TTC28: variants seen among roughly 807,000 people sequenced by gnomAD.
TTC28 encodes the protein tetratricopeptide repeat domain 28, also known as tetratricopeptide repeat protein 28.
TTC28 carries 61 observed loss-of-function variants against 198.0 expected under a neutral mutation model. That is an observed-to-expected ratio of 0.31 (90% CI 0.25 to 0.38). The LOEUF (loss-of-function observed/expected upper bound fraction) is 0.38. Ranked by LOEUF, TTC28 falls within the 10% of genes least tolerant of loss-of-function variation. The pLI, the probability that TTC28 is intolerant of heterozygous loss-of-function variation, is 1.00. For synonymous variants in TTC28, 1,171 were observed against 1,297.8 expected, an observed-to-expected ratio of 0.90 and a Z score of 2.10; for missense variants, 2,678 against 3,164.0, an observed-to-expected ratio of 0.85 and a Z score of 3.69.
chr22:28,595,406 G>A (rs2050522898), intron 2 of TTC28, among the ~76,000 whole-genome samples: 1 of 152,116 alleles, frequency 6.6e-6, no homozygotes, highest in African/African-American at 2.4e-5. Context: ...AATACCCCTT[G>A]ACCTACTTCT....
chr22:28,647,099 C>T (rs1327027437), intron 1 of TTC28, among the ~76,000 whole-genome samples: 2 of 152,112 alleles, frequency 1.3e-5, no homozygotes, highest in Non-Finnish European at 2.9e-5. Context: ...ACCAACTGAT[C>T]TTTGATAAAG....
intron 18 of TTC28, chr22:27,992,899 C>T: frequency 1.7e-6 from 1 of 574,588 alleles, no homozygotes; most frequent in Non-Finnish European, 3.1e-6. Flanking sequence ...GGCGTGGCCA[C>T]ACTCCCAGGA....
At chr22:28,158,364 A>G (rs1030029041) in intron 6 of TTC28, among the ~76,000 whole-genome samples, 3 of 152,144 alleles carry the variant, frequency 2.0e-5, no homozygotes, top group African/African-American at 7.2e-5. Context: ...AATGCAATCC[A>G]TATCAAAACA....
intron 5 of TTC28, among the ~76,000 whole-genome samples, chr22:28,177,540 G>A (rs544339690): frequency 3.3e-5 from 5 of 152,260 alleles, no homozygotes; most frequent in Non-Finnish European, 7.4e-5. Context: ...ATGTCCACAC[G>A]AAAACCTGTG....
intron 5 of TTC28, among the ~76,000 whole-genome samples, chr22:28,263,373 CATATT>C (rs1931457783): frequency 6.6e-6 from 1 of 152,080 alleles, no homozygotes; most frequent in Admixed American, 6.6e-5. Context: ...TTCTGATTCA[CATATT>C]ATAATACATT....
intron 2 of TTC28, among the ~76,000 whole-genome samples, chr22:28,436,855 A>G (rs117464466): frequency 6.6e-6 from 1 of 152,336 alleles, no homozygotes; most frequent in East Asian, 1.9e-4. Context: ...CCATCATGCT[A>G]CAACCTATAC....
At chr22:28,500,191 TCCTAC>T (rs2048516275) in intron 2 of TTC28, among the ~76,000 whole-genome samples, 2 of 152,140 alleles carry the variant, frequency 1.3e-5, no homozygotes. Flanking sequence ...CACCACTTCC[TCCTAC>T]CCCAAGCTCC....
Position 28,163,146 on chromosome 22 carries a change from T to A in TTC28, c.1387A>T (p.Ile463Phe). Residue 463 changes from isoleucine (I) to phenylalanine (F), a missense_variant, in exon 6 of 23, where the codon ATT (isoleucine) becomes TTT (phenylalanine). Ile to Phe is a conservative substitution (Grantham distance 21, BLOSUM62 0). Transcript: ENST00000397906. Reference protein sequence around the residue: ...AKQYHEQQLGIAEDLKDRAAE... With the variant: ...AKQYHEQQLGFAEDLKDRAAE... ...GCCCGGTCCTTGAGATCCTCAGCAA[T>A]GCCCAGCTGCTGCTCATGGTATTGT... 1.9e-6 allele frequency: 3 copies of A among 1,551,744 alleles called. No homozygotes were observed. Among genetic ancestry groups the A allele is most frequent in the Non-Finnish European group, 2.6e-6 (3 of 1,147,002 alleles).
intron 2 of TTC28, among the ~76,000 whole-genome samples, chr22:28,457,234 T>G (rs1217105157): frequency 6.6e-6 from 1 of 152,212 alleles, no homozygotes; most frequent in Non-Finnish European, 1.5e-5. Context: ...AATCTTTTTC[T>G]TAATAACAGT....
At chr22:28,634,124 C>A (rs996413516) in intron 1 of TTC28, among the ~76,000 whole-genome samples, 2 of 152,076 alleles carry the variant, frequency 1.3e-5, no homozygotes, top group Non-Finnish European at 2.9e-5. Flanking sequence ...AAGAAAAATG[C>A]GCTGTAGTAA....
intron 5 of TTC28, among the ~76,000 whole-genome samples, chr22:28,214,473 A>T (rs950819569): frequency 6.6e-6 from 1 of 152,256 alleles, no homozygotes; most frequent in African/African-American, 2.4e-5. Flanking sequence ...TGGGTGAAGG[A>T]TATGAACAGA....
At chr22:28,569,222 C>T (rs1208969041) in intron 2 of TTC28, among the ~76,000 whole-genome samples, 1 of 150,506 alleles carries the variant, frequency 6.6e-6, no homozygotes, top group Non-Finnish European at 1.5e-5. Flanking sequence ...CAAAAAAGAG[C>T]CTGAATAGCC....
At chr22:28,421,010 T>TATG (rs1261219499) in intron 2 of TTC28, among the ~76,000 whole-genome samples, 1 of 152,026 alleles carries the variant, frequency 6.6e-6, no homozygotes, top group Non-Finnish European at 1.5e-5. Flanking sequence ...ATCCAAAAAG[T>TATG]ATCATAATTA....
chr22:28,492,245 AAAACTT>A (rs1044275517), intron 2 of TTC28, among the ~76,000 whole-genome samples: 7 of 152,220 alleles, frequency 4.6e-5, no homozygotes, highest in African/African-American at 1.7e-4. Flanking sequence ...CATGTACCCT[AAAACTT>A]AAAGTATAAT....
chr22:28,350,216 T>C (rs1483545769), intron 2 of TTC28, among the ~76,000 whole-genome samples: 1 of 152,302 alleles, frequency 6.6e-6, no homozygotes, highest in African/African-American at 2.4e-5. Flanking sequence ...ACATTCCAGA[T>C]AAAGTATATT....
chr22:28,579,311 G>A (rs2050198187), intron 2 of TTC28, among the ~76,000 whole-genome samples: 1 of 148,836 alleles, frequency 6.7e-6, no homozygotes, highest in Non-Finnish European at 1.5e-5. Context: ...ATATGTGCAT[G>A]TATGTATATA....
intron 12 of TTC28, among the ~76,000 whole-genome samples, chr22:28,031,130 C>A (rs1939057674): frequency 6.6e-6 from 1 of 152,148 alleles, no homozygotes; most frequent in African/African-American, 2.4e-5. Flanking sequence ...TGGCAAAAGG[C>A]TTATTAAATG....
intron 2 of TTC28, among the ~76,000 whole-genome samples, chr22:28,582,229 GAGA>G (rs1049050872): frequency 2.6e-5 from 4 of 152,084 alleles, no homozygotes; most frequent in Non-Finnish European, 4.4e-5. Context: ...GGGTGATAGG[GAGA>G]AGAAGATCCC....
At chr22:28,677,178 ATAT>A (rs1569095490) in intron 1 of TTC28, among the ~76,000 whole-genome samples, 1,140 of 58,924 alleles carry the variant, frequency 0.019, 15 homozygotes, top group African/African-American at 0.055. Context: ...AAAAAAAAAT[ATAT>A]ATATATATAT....
Sources: gnomAD v4.1 joint callset for allele counts (sites outside exome capture counted in the v4.1 genomes callset) on GRCh38, gnomAD v4.1.1 for gene constraint, MANE v1.5 for transcripts, NCBI Gene and HGNC (gene_info 2026-07-23, HGNC 2026-07-21) for gene names.